The following FOXK2 variants were observed in gnomAD, a reference collection of about 807,000 sequenced individuals.
FOXK2 encodes forkhead box protein K2.
FOXK2 carries 24 observed loss-of-function variants against 53.3 expected under a neutral mutation model. That is an observed-to-expected ratio of 0.45 (90% CI 0.33 to 0.63). The LOEUF is 0.63. Among genes scored for constraint, FOXK2 ranks in the 30% least tolerant of loss-of-function variants. FOXK2 has a pLI of 0.03. For missense variants in FOXK2, 952 were observed against 910.5 expected (o/e 1.05, Z -0.59); for synonymous variants, 505 against 407.1 (o/e 1.24, Z -2.89).
rs1225335648 is a variant in FOXK2, at chr17:82,587,123, T to C, written c.1637T>C (p.Ile546Thr). Residue 546 changes from isoleucine (I) to threonine (T), a missense_variant, in exon 8 of 9, where the codon ATT becomes ACT. Transcript: ENST00000335255. Reference protein sequence around the residue: ...HATLGTASRIIQTAQTTPVQT... With the variant: ...HATLGTASRITQTAQTTPVQT... ...ACGCTCGGCACTGCCAGCCGGATCA[T>C]TCAGACGGCACAGACCACCCCGGTC... 1 of 1,611,550 alleles carries C rather than the reference T, an allele frequency of 6.2e-7. No homozygotes were observed. The highest frequency in any genetic ancestry group is 1.1e-5 in the South Asian group (1 of 91,004).
At chr17:82,559,912 T>C (rs2044774447) in intron 1 of FOXK2, among the ~76,000 whole-genome samples, 2 of 151,670 alleles carry the variant, frequency 1.3e-5, no homozygotes, top group African/African-American at 4.8e-5. Context: ...TAAAATGTAG[T>C]GATAAACAGG....
At chr17:82,550,425 T>C (rs933016686) in intron 1 of FOXK2, among the ~76,000 whole-genome samples, 2 of 151,806 alleles carry the variant, frequency 1.3e-5, no homozygotes, top group African/African-American at 4.8e-5. Context: ...GAACACCAAT[T>C]TAAAGATAAA....
rs2045421514 is a variant in FOXK2 at position 82,604,268 on chromosome 17, A to G, written c.*2769A>G. 6.6e-6 allele frequency: 1 copy of G among 151,088 alleles called. No individual in the cohort carries two copies. Among genetic ancestry groups the G allele is most frequent in the Non-Finnish European group, 1.5e-5 (1 of 68,060 alleles). 9.4% of individuals were successfully genotyped at this position (151,088 alleles called of 1,614,324 possible). ...CCGTATGACCCACGTCACGTGGTGC[A>G]CTCAGAGTGTGTGCGGCATGATCCT... On this transcript the variant is annotated 3_prime_UTR_variant, in exon 9 of 9. Transcript: ENST00000335255.
chr17:82,572,910 G>T (rs1413039386), intron 4 of FOXK2, among the ~76,000 whole-genome samples: 3 of 152,068 alleles, frequency 2.0e-5, no homozygotes, highest in Non-Finnish European at 4.4e-5. Flanking sequence ...ATAGCCTACC[G>T]GCCGGGCACA....
chr17:82,563,301 C>A, intron 1 of FOXK2, 53 bp from the exon 2 acceptor site: 1 of 1,562,288 alleles, frequency 6.4e-7, no homozygotes, highest in Non-Finnish European at 8.7e-7. Context: ...GGGACTCTGC[C>A]CTGCCCCGGC....
chr17:82,583,925 C>T (rs1468702846), intron 5 of FOXK2, 88 bp from the exon 6 acceptor site: 1 of 1,364,950 alleles, frequency 7.3e-7, no homozygotes, highest in Non-Finnish European at 9.9e-7. Flanking sequence ...AAATGACACC[C>T]CCTTTGCAAA....
chr17:82,570,111 A>G lies in FOXK2; in HGVS notation c.763-1613A>G, dbSNP rs112512454. ...TTGGCAGGCGCCTGTAGTCCCAGCT[A>G]CTCGGGAGGCTGAGGCAGGAGAATG... On this transcript the variant is annotated intron_variant, in intron 3 of 8. Transcript: ENST00000335255. 8.2e-3 allele frequency among the ~76,000 whole-genome samples: 1,237 copies of G among 150,832 alleles called. 18 individuals carry two copies. Among genetic ancestry groups the G allele is most frequent in the African/African-American group, 0.029 (1,190 of 40,936 alleles).
chr17:82,585,409 C>CCACAAA (rs1378288853), intron 6 of FOXK2: 1 of 154,734 alleles, frequency 6.5e-6, no homozygotes, highest in East Asian at 1.9e-4. Context: ...ACTGCAGTCT[C>CCACAAA]CACCTTCCAG....
At chr17:82,599,027 G>C (rs1281889597) in intron 8 of FOXK2, 1 of 152,068 alleles carries the variant, frequency 6.6e-6, no homozygotes, top group Non-Finnish European at 1.5e-5. Context: ...CTCTCGTTGG[G>C]CTCCAAGCCT....
At chr17:82,534,015 A>G (rs956728518) in intron 1 of FOXK2, among the ~76,000 whole-genome samples, 1 of 149,862 alleles carries the variant, frequency 6.7e-6, no homozygotes, top group African/African-American at 2.5e-5. Context: ...CGATAGGTAG[A>G]TAAGATAGCC....
chr17:82,553,434 G>T (rs965691788), intron 1 of FOXK2, among the ~76,000 whole-genome samples: 11 of 152,376 alleles, frequency 7.2e-5, no homozygotes, highest in African/African-American at 2.6e-4. Context: ...GACTGCCTGG[G>T]ACCAGACCTG....
intron 1 of FOXK2, among the ~76,000 whole-genome samples, chr17:82,546,938 G>A (rs1006007701): frequency 5.3e-5 from 8 of 152,052 alleles, no homozygotes; most frequent in Admixed American, 6.6e-5. Flanking sequence ...TTAGTCGGGC[G>A]TGGTGGTGGG....
In FOXK2 at chr17:82,590,354, C is replaced by T. The variant is rs562998124; in HGVS notation, c.1786+3082C>T. On this transcript the variant is annotated intron_variant, in intron 8 of 8. Transcript: ENST00000335255. ...TTTTTATTTGGGAGGTAGTGTCTCA[C>T]CATGTTGCCCATGCTGGTCTCAAGC... Among the ~76,000 whole-genome samples the T allele has an allele frequency of 2.8e-4, 43 of 152,254 alleles. 1 individual carries two copies. In the South Asian group the frequency reaches 8.9e-3, roughly 32 times the overall value.
rs2044345316 is a variant in FOXK2, at chr17:82,520,156, G to GGCC, written c.269_271dup (p.Gly90_His91insArg). The GGCC allele has an allele frequency of 1.3e-6, 2 of 1,514,902 alleles. No individual in the cohort carries two copies. Among genetic ancestry groups the GGCC allele is most frequent in the Non-Finnish European group, 1.8e-6 (2 of 1,131,054 alleles). The allele number at this position is 1,514,902 out of a possible 1,614,324, so 93.8% of individuals were successfully genotyped here. A position where few individuals can be genotyped will look rare whatever the true frequency, so the allele number is the denominator to read the frequency against. On this transcript the variant is annotated inframe_insertion, in exon 1 of 9. Coordinates refer to ENST00000335255, the MANE Select transcript of FOXK2 (RefSeq NM_004514.4). ...GATCTTCACGCCCCCGGGCGGCGGC[G>GGCC]GCCATGGCGGGGCCGCTCCGGAGCT...
At chr17:82,562,987 TGTAGAG>T (rs796644815) in intron 1 of FOXK2, among the ~76,000 whole-genome samples, 6 of 152,060 alleles carry the variant, frequency 3.9e-5, no homozygotes, top group African/African-American at 1.4e-4. Context: ...TTGTAGTCTT[TGTAGAG>T]GTGGGGTCTT....
At chr17:82,569,524 G>A (rs1185963626) in intron 3 of FOXK2, among the ~76,000 whole-genome samples, 2 of 152,216 alleles carry the variant, frequency 1.3e-5, no homozygotes, top group South Asian at 2.1e-4. Context: ...TGCTGGTGGT[G>A]CCCTGTCTCT....
In FOXK2 at chr17:82,584,094, G is replaced by A. The variant is rs1435810594; in HGVS notation, c.1185G>A (p.Arg395=). The part of the protein sequence containing the change: ...SGAQTPESLS[R]EGSPAPLEPE... Reference sequence around the variant, plus strand: ...CCCAGACCCCTGAGAGCCTGTCGAGGGAAGGTTCGCCGGCCCCCCTGGAGC... The same window carrying A: ...CCCAGACCCCTGAGAGCCTGTCGAGAGAAGGTTCGCCGGCCCCCCTGGAGC... The change falls in exon 6 of 9, where the codon AGG becomes AGA. Residue 395 remains arginine (R), a synonymous_variant. Transcript: ENST00000335255. The A allele has an allele frequency of 3.1e-6, 5 of 1,611,534 alleles. No homozygotes were observed. The highest frequency in any genetic ancestry group is 2.2e-5 in the East Asian group (1 of 44,888).
At chr17:82,576,321 G>C (rs2044985536) in intron 4 of FOXK2, among the ~76,000 whole-genome samples, 1 of 152,200 alleles carries the variant, frequency 6.6e-6, no homozygotes. Flanking sequence ...CCCCCAAGTG[G>C]AGTGCTGGAC....
At position 82,586,055 on chromosome 17, in the gene FOXK2, C is replaced by A. The variant is rs762345895; in HGVS notation, c.1431C>A (p.Ile477=). Residue 477 remains isoleucine (I), a synonymous_variant, in exon 7 of 9, where the codon ATC becomes ATA. Transcript: ENST00000335255. Reference sequence around the variant, plus strand: ...AGACGGTTCACGTCGTCCACCAGATCCCAGCGGTGTCGGTCACCAGTGTGG... The same window carrying A: ...AGACGGTTCACGTCGTCCACCAGATACCAGCGGTGTCGGTCACCAGTGTGG... ...VVQTVHVVHQ[I]PAVSVTSVAG... The A allele has an allele frequency of 5.0e-6, 8 of 1,612,840 alleles. No individual in the cohort carries two copies. Among genetic ancestry groups the A allele is most frequent in the Admixed American group, 1.7e-5 (1 of 60,024 alleles).
Sources: allele counts gnomAD v4.1 joint callset (sites outside exome capture counted in the v4.1 genomes callset), GRCh38; gene constraint gnomAD v4.1.1; transcripts MANE v1.5; gene names NCBI Gene and HGNC (gene_info 2026-07-23, HGNC 2026-07-21).